The following CTNND2 variants were observed in gnomAD, a reference collection of about 807,000 sequenced individuals.
The protein encoded by CTNND2 is catenin delta 2, also known as catenin delta-2.
In CTNND2, 22 loss-of-function variants were observed where a neutral mutation model predicts 144.4. That is an observed-to-expected ratio of 0.15 (90% CI 0.11 to 0.22). The LOEUF (loss-of-function observed/expected upper bound fraction) is 0.22, where lower values mean the gene tolerates loss of function less well. Among genes scored for constraint, CTNND2 ranks in the 10% least tolerant of loss-of-function variants. The probability of loss-of-function intolerance (pLI) is 1.00; values close to 1 mark genes in which losing one functional copy is unlikely to be tolerated. For missense variants in CTNND2, 1,353 were observed against 1,618.8 expected (o/e 0.84, Z 2.82); for synonymous variants, 751 against 695.6 (o/e 1.08, Z -1.25).
chr5:11,299,292 G>A (rs190898498), intron 9 of CTNND2, among the ~76,000 whole-genome samples: 1 of 152,194 alleles, frequency 6.6e-6, no homozygotes, highest in African/African-American at 2.4e-5. Flanking sequence ...ATCTGTCATA[G>A]GCAAGCATAT....
rs1768172986 is a variant in CTNND2 at position 11,480,727 on chromosome 5, AGT to A, written c.288-68660_288-68659del. ...AGAGTTTTTCTTTCTGTAGAAAAAG[AGT>A]TGCACAGAGACCTAGGCAGGTAAGT... On this transcript the variant is annotated intron_variant, in intron 3 of 21. Coordinates refer to ENST00000304623, the MANE Select transcript of CTNND2 (RefSeq NM_001332.4). Among the ~76,000 whole-genome samples the A allele has an allele frequency of 3.3e-5, 5 of 151,860 alleles. No individual in the cohort carries two copies. The South Asian group carries it at 1.0e-3, about 31-fold the overall frequency.
At chr5:11,839,340 G>T (rs891569624) in intron 1 of CTNND2, among the ~76,000 whole-genome samples, 3 of 152,036 alleles carry the variant, frequency 2.0e-5, no homozygotes, top group African/African-American at 7.2e-5. Flanking sequence ...ATTGACTTGT[G>T]GGTCATCAAA....
intron 9 of CTNND2, among the ~76,000 whole-genome samples, chr5:11,321,500 T>A (rs1454963519): frequency 1.3e-5 from 2 of 152,162 alleles, no homozygotes; most frequent in Admixed American, 1.3e-4. Flanking sequence ...TGCCTGCACA[T>A]ATTGCTATTT....
At chr5:11,482,032 T>C (rs986928153) in intron 3 of CTNND2, among the ~76,000 whole-genome samples, 4 of 152,222 alleles carry the variant, frequency 2.6e-5, no homozygotes, top group African/African-American at 9.6e-5. Context: ...ACTGCCTCTC[T>C]GAGTTTTAGG....
At chr5:11,550,613 C>T (rs1775668882) in intron 3 of CTNND2, among the ~76,000 whole-genome samples, 1 of 152,184 alleles carries the variant, frequency 6.6e-6, no homozygotes, top group African/African-American at 2.4e-5. Context: ...TCTTGAGGTA[C>T]TAAACAAACA....
chr5:11,274,257 T>C (rs774334305), intron 9 of CTNND2, among the ~76,000 whole-genome samples: 34 of 152,238 alleles, frequency 2.2e-4, no homozygotes, highest in Non-Finnish European at 3.8e-4. Context: ...TCATGACATG[T>C]GTTCATCAAA....
At chr5:11,879,233 A>T (rs1262324583) in intron 1 of CTNND2, among the ~76,000 whole-genome samples, 1 of 151,690 alleles carries the variant, frequency 6.6e-6, no homozygotes, top group Non-Finnish European at 1.5e-5. Context: ...CGGGAGACAG[A>T]GGGAGATACA....
At chr5:11,002,172 A>C (rs1316582989) in intron 18 of CTNND2, among the ~76,000 whole-genome samples, 1 of 152,224 alleles carries the variant, frequency 6.6e-6, no homozygotes, top group African/African-American at 2.4e-5. Context: ...CTGCTTCCAG[A>C]ATGTGCCTAC....
At chr5:11,329,204 G>A (rs1279994257) in intron 9 of CTNND2, among the ~76,000 whole-genome samples, 1 of 152,164 alleles carries the variant, frequency 6.6e-6, no homozygotes, top group Non-Finnish European at 1.5e-5. Context: ...CACCCAGGCT[G>A]GAGTATAGTG....
chr5:11,414,642 G>T (rs1761790753), intron 3 of CTNND2, among the ~76,000 whole-genome samples: 1 of 152,148 alleles, frequency 6.6e-6, no homozygotes, highest in African/African-American at 2.4e-5. Flanking sequence ...GCGAAGGTTT[G>T]TTACACAGGT....
intron 2 of CTNND2, among the ~76,000 whole-genome samples, chr5:11,724,608 A>T (rs1404318484): frequency 5.9e-5 from 9 of 152,190 alleles, no homozygotes; most frequent in Non-Finnish European, 2.9e-5. Flanking sequence ...CTACAGTGGT[A>T]TTTCAAAAGT....
chr5:11,103,936 G>GT (rs1752163649), intron 14 of CTNND2, among the ~76,000 whole-genome samples: 1 of 152,188 alleles, frequency 6.6e-6, no homozygotes, highest in African/African-American at 2.4e-5. Context: ...CCAACAAGGA[G>GT]CAGTCAGGGA....
At chr5:11,485,234 G>A (rs1000149210) in intron 3 of CTNND2, among the ~76,000 whole-genome samples, 2 of 152,102 alleles carry the variant, frequency 1.3e-5, no homozygotes, top group South Asian at 2.1e-4. Flanking sequence ...TTGGAAGAGT[G>A]AAAACAAAAG....
chr5:11,526,981 C>T (rs1011087963), intron 3 of CTNND2, among the ~76,000 whole-genome samples: 1 of 152,044 alleles, frequency 6.6e-6, no homozygotes, highest in African/African-American at 2.4e-5. Context: ...GTAAGCCAGA[C>T]ACAGAAGGAC....
intron 3 of CTNND2, among the ~76,000 whole-genome samples, chr5:11,502,361 T>A (rs1770612531): frequency 6.6e-6 from 1 of 152,110 alleles, no homozygotes; most frequent in Admixed American, 6.6e-5. Context: ...TCAAGGAGTG[T>A]AGTGTGGAAA....
chr5:11,748,161 T>C (rs899826648), intron 1 of CTNND2, among the ~76,000 whole-genome samples: 1 of 151,688 alleles, frequency 6.6e-6, no homozygotes, highest in African/African-American at 2.4e-5. Context: ...GACTTAGCAG[T>C]TTTTTAAATA....
intron 1 of CTNND2, among the ~76,000 whole-genome samples, chr5:11,741,331 A>G (rs1787992964): frequency 6.6e-6 from 1 of 152,216 alleles, no homozygotes; most frequent in Admixed American, 6.5e-5. Flanking sequence ...ATGTCCATCA[A>G]TGATAGACTG....
intron 5 of CTNND2, among the ~76,000 whole-genome samples, chr5:11,397,727 C>T (rs544679251): frequency 2.6e-5 from 4 of 152,212 alleles, no homozygotes; most frequent in South Asian, 4.2e-4. Context: ...GCTCTTTGTA[C>T]GATGTGGAAT....
At chr5:11,141,989 C>T (rs549630901) in intron 12 of CTNND2, among the ~76,000 whole-genome samples, 1 of 152,260 alleles carries the variant, frequency 6.6e-6, no homozygotes, top group Admixed American at 6.5e-5. Context: ...GCCTGGCCTC[C>T]ACTCACCCTC....
Sources: gnomAD v4.1 joint callset for allele counts (sites outside exome capture counted in the v4.1 genomes callset) on GRCh38, gnomAD v4.1.1 for gene constraint, MANE v1.5 for transcripts, NCBI Gene and HGNC (gene_info 2026-07-23, HGNC 2026-07-21) for gene names.